Variants in SLFN12 observed in about 807,000 individuals in gnomAD.
SLFN12 encodes ribonuclease SLFN12.
A neutral mutation model predicts 29.1 loss-of-function variants in SLFN12; 25 were observed. That is an observed-to-expected ratio of 0.86 (90% CI 0.63 to 1.20). The LOEUF is 1.20. Ranked by LOEUF, SLFN12 falls within the 50% of genes most tolerant of loss-of-function variation. SLFN12 has a pLI of 0.00. For synonymous variants in SLFN12, 257 were observed against 238.7 expected, an observed-to-expected ratio of 1.08 and a Z score of -0.71; for missense variants, 660 against 666.2, an observed-to-expected ratio of 0.99 and a Z score of 0.10.
At chr17:35,432,946 C>A (rs1912404389), upstream of SLFN12, 1 of 152,174 alleles carries the variant, frequency 6.6e-6, no homozygotes, top group Admixed American at 6.5e-5. Context: ...TTCGCAGGTG[C>A]GAGCACACCC....
intron 1 of SLFN12, 116 bp from the exon 2 acceptor site, chr17:35,423,184 G>C: frequency 8.4e-7 from 1 of 1,187,362 alleles, no homozygotes; most frequent in East Asian, 2.6e-5. Flanking sequence ...AGACTGGTAA[G>C]TATATGGATA....
chr17:35,421,117 G>A (rs1021675121), intron 2 of SLFN12, among the ~76,000 whole-genome samples: 1 of 151,732 alleles, frequency 6.6e-6, no homozygotes, highest in African/African-American at 2.4e-5. Context: ...GCTGAGGCAG[G>A]AGAATCGCTT....
chr17:35,431,331 GAAC>G (rs1291785569), intron 1 of SLFN12, among the ~76,000 whole-genome samples: 2 of 152,248 alleles, frequency 1.3e-5, no homozygotes, highest in East Asian at 3.9e-4. Context: ...CACCAAAGGA[GAAC>G]ATCACACTTT....
At position 35,422,146 on chromosome 17, in the gene SLFN12, T is replaced by C. The variant is rs1911697709; in HGVS notation, c.883A>G (p.Lys295Glu). 1 of 1,614,142 alleles carries C rather than the reference T, an allele frequency of 6.2e-7. No homozygotes were observed. The highest frequency in any genetic ancestry group is 8.5e-7 in the Non-Finnish European group (1 of 1,180,000). Residue 295 changes from lysine (K) to glutamate (E), a missense_variant, in exon 2 of 4, where the codon AAA (lysine) becomes GAA (glutamate). By Grantham distance (56) the Lys-to-Glu change is moderately conservative. Transcript: ENST00000304905. Reference sequence around the variant, plus strand: ...CAGACATATCCACAAAGACTTCCTTTATCATATACTCCAAGGAATTTGCAT... The same window carrying C: ...CAGACATATCCACAAAGACTTCCTTCATCATATACTCCAAGGAATTTGCAT... ...YSCKFLGVYD[K>E]GSLCGYVCAL...
chr17:35,411,502 T>C lies in SLFN12; in HGVS notation c.1573A>G (p.Thr525Ala), dbSNP rs745335175. Residue 525 changes from threonine (T) to alanine (A), a missense_variant, in exon 4 of 4, where the codon ACA (threonine) becomes GCA (alanine). Physicochemically the swap from Thr to Ala is moderately conservative, Grantham distance 58 (BLOSUM62 0). Coordinates refer to ENST00000304905, the MANE Select transcript of SLFN12 (RefSeq NM_018042.5). ...QVIYPESYYF[T>A]RRKYLLKALF... ...GCTTTCAGCAAGTATTTCCTTCTTG[T>C]AAAATAGTAGGATTCAGGGTAAATT... The C allele has an allele frequency of 3.1e-6, 5 of 1,613,916 alleles. No homozygotes were observed. Among genetic ancestry groups the C allele is most frequent in the Middle Eastern group, 1.6e-4 (1 of 6,084 alleles).
intron 1 of SLFN12, 75 bp downstream of exon 1, chr17:35,432,109 GAGAA>G (rs1912353303): frequency 6.6e-6 from 1 of 152,208 alleles, no homozygotes; most frequent in African/African-American, 2.4e-5. Context: ...GAAAGGAAAA[GAGAA>G]AGAGAGAGAT....
At chr17:35,416,377 A>G (rs1056397207) in intron 3 of SLFN12, among the ~76,000 whole-genome samples, 3 of 152,164 alleles carry the variant, frequency 2.0e-5, no homozygotes, top group Non-Finnish European at 4.4e-5. Context: ...AATGAGGGAT[A>G]GAAGACTACA....
chr17:35,424,449 GAAGTGTGACTTAAGTTTAACTTTT>G (rs1911887200), intron 1 of SLFN12, among the ~76,000 whole-genome samples: 1 of 152,132 alleles, frequency 6.6e-6, no homozygotes, highest in South Asian at 2.1e-4. Flanking sequence ...TTTAAGTTAA[GAAGTGTGACTTAAGTTTAACTTTT>G]AAGTGTAACT....
At chr17:35,413,721 C>G (rs1185393743) in intron 3 of SLFN12, among the ~76,000 whole-genome samples, 1 of 149,128 alleles carries the variant, frequency 6.7e-6, no homozygotes, top group Non-Finnish European at 1.5e-5. Flanking sequence ...TGCACTCCAA[C>G]CTGGGTAACA....
chr17:35,429,270 T>G (rs930321154), intron 1 of SLFN12, among the ~76,000 whole-genome samples: 3 of 152,032 alleles, frequency 2.0e-5, no homozygotes, highest in Non-Finnish European at 4.4e-5. Flanking sequence ...GGAGCTGCAG[T>G]TGAGCCACCT....
Position 35,422,127 on chromosome 17 carries a change from T to C in SLFN12, c.902A>G (p.Tyr301Cys). ...GVYDKGSLCG[Y>C]VCALRVERFC... ...GCGCTCCACTCTGAGTGCACAGACATATCCACAAAGACTTCCTTTATCATA... is the reference window on the plus strand; with the variant it reads ...GCGCTCCACTCTGAGTGCACAGACACATCCACAAAGACTTCCTTTATCATA... The change falls in exon 2 of 4, where the codon TAT becomes TGT. Residue 301 changes from tyrosine to cysteine, a missense_variant. Tyr to Cys is a radical substitution (Grantham distance 194, BLOSUM62 -2). Transcript: ENST00000304905. The C allele has an allele frequency of 1.2e-6, 2 of 1,614,102 alleles. No individual in the cohort carries two copies. Among genetic ancestry groups the C allele is most frequent in the Non-Finnish European group, 1.7e-6 (2 of 1,180,000 alleles).
intron 3 of SLFN12, among the ~76,000 whole-genome samples, chr17:35,413,044 G>A (rs1911114890): frequency 6.8e-6 from 1 of 146,702 alleles, no homozygotes; most frequent in African/African-American, 2.5e-5. Flanking sequence ...CAGGATGGTA[G>A]CAAAAGTCCG....
At chr17:35,420,073 G>A (rs920950397) in intron 3 of SLFN12, among the ~76,000 whole-genome samples, 6 of 152,032 alleles carry the variant, frequency 3.9e-5, no homozygotes, top group East Asian at 3.8e-4. Flanking sequence ...TCAAGTAAAC[G>A]AGTTTGTATT....
chr17:35,422,182 T>A lies in SLFN12; in HGVS notation c.847A>T (p.Ile283Leu). Residue 283 changes from isoleucine to leucine, a missense_variant, in exon 2 of 4, where the codon ATA becomes TTA. Coordinates refer to ENST00000304905, the MANE Select transcript of SLFN12 (RefSeq NM_018042.5). ...VHHFCMEKKK[I>L]NYSCKFLGVY... ...CCAAGGAATTTGCATGAATAATTTA[T>A]CTTCTTCTTCTCCATACAGAAGTGA... is the stretch of plus-strand genomic sequence containing the variant. 6.2e-7 allele frequency: 1 copy of A among 1,614,088 alleles called. No individual in the cohort carries two copies. The highest frequency in any genetic ancestry group is 8.5e-7 in the Non-Finnish European group (1 of 1,179,972).
intron 1 of SLFN12, among the ~76,000 whole-genome samples, chr17:35,426,743 T>C (rs1245739174): frequency 6.6e-6 from 1 of 152,128 alleles, no homozygotes; most frequent in African/African-American, 2.4e-5. Context: ...ATGGGCTAAG[T>C]ATACTCTGAT....
At chr17:35,423,224 C>A (rs1271761880) in intron 1 of SLFN12, among the ~76,000 whole-genome samples, 156 bp from the exon 2 acceptor site, 1 of 152,080 alleles carries the variant, frequency 6.6e-6, no homozygotes, top group African/African-American at 2.4e-5. Flanking sequence ...TGAGCTAAGA[C>A]CGCAATAATT....
intron 1 of SLFN12, among the ~76,000 whole-genome samples, chr17:35,426,729 A>G (rs1912039747): frequency 6.6e-6 from 1 of 152,160 alleles, no homozygotes; most frequent in African/African-American, 2.4e-5. Flanking sequence ...GCAAACCTTC[A>G]GTGATGGGCT....
In SLFN12 at chr17:35,411,602, C is replaced by T. The variant is rs755523347; in HGVS notation, c.1473G>A (p.Val491=). Residue 491 remains valine, a synonymous_variant, in exon 4 of 4, where the codon GTG becomes GTA. Coordinates refer to ENST00000304905, the MANE Select transcript of SLFN12 (RefSeq NM_018042.5). ...AGTAGAAGATCTTTGTCATGACACACACTTTTTTAGTGTAACCACCAATTT... is the reference window on the plus strand; with the variant it reads ...AGTAGAAGATCTTTGTCATGACACATACTTTTTTAGTGTAACCACCAATTT... ...LAKIGGYTKK[V]CVMTKIFYLS... The T allele has an allele frequency of 2.5e-6, 4 of 1,613,976 alleles. No individual in the cohort carries two copies. The highest frequency in any genetic ancestry group is 1.7e-5 in the Admixed American group (1 of 60,006).
At position 35,422,071 on chromosome 17, in the gene SLFN12, C is replaced by A; in HGVS notation, c.958G>T (p.Asp320Tyr). Residue 320 changes from aspartate to tyrosine, a missense_variant, in exon 2 of 4, where the codon GAT (aspartate) becomes TAT (tyrosine). Coordinates refer to ENST00000304905, the MANE Select transcript of SLFN12 (RefSeq NM_018042.5). Reference protein sequence around the residue: ...FCCAVFAKEPDSWHVKDNRVM... With the variant: ...FCCAVFAKEPYSWHVKDNRVM... Reference sequence around the variant, plus strand: ...CGGTTATCTTTCACATGCCAGGAATCAGGCTCTTTAGCAAACACTGCACAG... The same window carrying A: ...CGGTTATCTTTCACATGCCAGGAATAAGGCTCTTTAGCAAACACTGCACAG... The A allele has an allele frequency of 1.2e-6, 2 of 1,614,104 alleles. No individual in the cohort carries two copies. The highest frequency in any genetic ancestry group is 2.7e-5 in the African/African-American group (2 of 75,052).
Sources: allele counts gnomAD v4.1 joint callset (sites outside exome capture counted in the v4.1 genomes callset), GRCh38; gene constraint gnomAD v4.1.1; transcripts MANE v1.5; gene names NCBI Gene and HGNC (gene_info 2026-07-23, HGNC 2026-07-21).